The following PRPF40B variants were observed in gnomAD, a reference collection of about 807,000 sequenced individuals.
The protein encoded by PRPF40B is pre-mRNA processing factor 40B.
Under a neutral mutation model 124.5 loss-of-function variants are expected in PRPF40B, and 56 were observed. The observed-to-expected ratio is 0.45, with a 90% CI of 0.36 to 0.56. PRPF40B has a LOEUF of 0.56. Among genes scored for constraint, PRPF40B ranks in the 20% least tolerant of loss-of-function variants. The pLI, the probability that PRPF40B is intolerant of heterozygous loss-of-function variation, is 0.00. For missense variants in PRPF40B, 1,053 were observed against 1,169.5 expected (o/e 0.90, Z 1.45); for synonymous variants, 443 against 426.4 (o/e 1.04, Z -0.48).
At chr12:49,639,176 T>C (rs1942262663) in intron 18 of PRPF40B, 1 of 152,186 alleles carries the variant, frequency 6.6e-6, no homozygotes, top group Non-Finnish European at 1.5e-5. Context: ...TTAGATGGTG[T>C]ATAGTAGAAC....
rs913049519 is a variant in PRPF40B, at chr12:49,644,621, G to A, written c.*429G>A. 8 of 191,430 alleles carry A rather than the reference G, an allele frequency of 4.2e-5. 1 individual carries two copies. The highest frequency in any genetic ancestry group is 2.7e-4 in the Admixed American group (5 of 18,812). 11.9% of individuals were successfully genotyped at this position (191,430 alleles called of 1,614,324 possible). ...TTCCTCCACCCAGGACCTAATGTAC[G>A]TGTGTTTTGTTTTTTGTTTTTTAAA... is the stretch of plus-strand genomic sequence containing the variant. On this transcript the variant is annotated 3_prime_UTR_variant, in exon 26 of 26. Coordinates refer to ENST00000548825, the MANE Select transcript of PRPF40B (RefSeq NM_001031698.3).
chr12:49,635,599 T>C lies in PRPF40B; in HGVS notation c.1275+126T>C. Reference sequence around the variant, plus strand: ...GTGTCCCAGCTTCTGACTTGGAAGCTGGTATGGGACTTGCACATCTCATTT... The same window carrying C: ...GTGTCCCAGCTTCTGACTTGGAAGCCGGTATGGGACTTGCACATCTCATTT... On this transcript the variant is annotated intron_variant, in intron 14 of 25. Transcript: ENST00000548825. This position sits in a 1 kb window ranked among gnomAD's most constrained non-coding sequence, Gnocchi z 4.1. The C allele has an allele frequency of 9.9e-7, 1 of 1,008,766 alleles. No individual in the cohort carries two copies. Among genetic ancestry groups the C allele is most frequent in the Non-Finnish European group, 1.4e-6 (1 of 689,926 alleles). 62.5% of individuals were successfully genotyped at this position (1,008,766 alleles called of 1,614,324 possible). A position where few individuals can be genotyped will look rare whatever the true frequency, so the allele number is the denominator to read the frequency against.
chr12:49,626,755 C>T (rs1940753819), intron 1 of PRPF40B, among the ~76,000 whole-genome samples: 1 of 152,058 alleles, frequency 6.6e-6, no homozygotes, highest in South Asian at 2.1e-4. Context: ...GTGATTTAAC[C>T]ACTTAGGTTG....
upstream of PRPF40B, among the ~76,000 whole-genome samples, chr12:49,623,053 CTT>C (rs76184248): frequency 1.8e-4 from 25 of 139,946 alleles, no homozygotes; most frequent in Non-Finnish European, 2.7e-4. Flanking sequence ...GGGGATTTGT[CTT>C]TTTTTTTTTT....
chr12:49,644,311 C>A lies in PRPF40B; in HGVS notation c.*119C>A. 2 of 1,125,502 alleles carry A rather than the reference C, an allele frequency of 1.8e-6. No homozygotes were observed. The highest frequency in any genetic ancestry group is 1.4e-5 in the South Asian group (1 of 72,438). 69.7% of individuals were successfully genotyped at this position (1,125,502 alleles called of 1,614,324 possible). On this transcript the variant is annotated 3_prime_UTR_variant, in exon 26 of 26. Transcript: ENST00000548825. ...TGTGTCCACTTTTTCTAAAGTAACC[C>A]CACCCCCAGCACACCATTGTTGGCA...
rs772026255 is a variant in PRPF40B at position 49,634,582 on chromosome 12, G to C, written c.981G>C (p.Val327=). Residue 327 remains valine, a synonymous_variant, in exon 12 of 26, where the codon GTG becomes GTC. Coordinates refer to ENST00000548825, the MANE Select transcript of PRPF40B (RefSeq NM_001031698.3). The part of the protein sequence containing the change: ...NASWEQAMKM[V]VTDPRYSALP... ...CATGGGAACAGGCCATGAAGATGGT[G>C]GTCACCGACCCCCGTTACAGGTAGG... The C allele has an allele frequency of 6.2e-7, 1 of 1,614,036 alleles. No homozygotes were observed. The highest frequency in any genetic ancestry group is 1.3e-5 in the African/African-American group (1 of 74,920).
At chr12:49,626,300 T>C (rs1171459883) in intron 1 of PRPF40B, among the ~76,000 whole-genome samples, 1 of 152,144 alleles carries the variant, frequency 6.6e-6, no homozygotes, top group Admixed American at 6.5e-5. Flanking sequence ...GACTAAACAC[T>C]TGGGGGAGGT....
Position 49,644,013 on chromosome 12 carries a change from C to T in PRPF40B, c.2586+9C>T. ...GAATCAAGAAGGAGAAGGTGAGGGGCAGGGGCCCTAGGCCAGTCAGCACGC... is the reference window on the plus strand; with the variant it reads ...GAATCAAGAAGGAGAAGGTGAGGGGTAGGGGCCCTAGGCCAGTCAGCACGC... On this transcript the variant is annotated intron_variant, in intron 25 of 25. Transcript: ENST00000548825. 3 of 1,614,124 alleles carry T rather than the reference C, an allele frequency of 1.9e-6. No individual in the cohort carries two copies. Among genetic ancestry groups the T allele is most frequent in the Non-Finnish European group, 2.5e-6 (3 of 1,179,996 alleles).
chr12:49,624,184 T>G (rs1940484839), intron 1 of PRPF40B: 14 of 983,714 alleles, frequency 1.4e-5, no homozygotes, highest in Non-Finnish European at 1.7e-5. Context: ...AGTCACTACC[T>G]TTCTTTGGGC....
chr12:49,634,717 T>C (rs1941581172), intron 12 of PRPF40B, 115 bp downstream of exon 12: 2 of 1,344,406 alleles, frequency 1.5e-6, no homozygotes. Flanking sequence ...AGGACAGTGA[T>C]AGATTGGGTT....
chr12:49,623,925 A>C, intron 1 of PRPF40B: 2 of 1,121,086 alleles, frequency 1.8e-6, no homozygotes, highest in Non-Finnish European at 2.2e-6. Flanking sequence ...GAGGGGACTG[A>C]GGGGACCAGG....
intron 18 of PRPF40B, 76 bp from the exon 19 acceptor site, chr12:49,641,832 T>TAA: frequency 8.0e-7 from 1 of 1,243,032 alleles, no homozygotes. Context: ...TGACCATCTG[T>TAA]AATGTGACCA....
chr12:49,634,119 C>G, intron 10 of PRPF40B, 27 bp downstream of exon 10: 1 of 1,604,078 alleles, frequency 6.2e-7, no homozygotes, highest in Non-Finnish European at 8.5e-7. Flanking sequence ...ATGGCATTCC[C>G]AATGTTGGCC....
intron 18 of PRPF40B, 185 bp from the exon 19 acceptor site, chr12:49,641,722 AG>A (rs1274122909): frequency 2.4e-5 from 14 of 587,096 alleles, no homozygotes; most frequent in Non-Finnish European, 4.2e-5. Context: ...AACCAAGGGT[AG>A]GCATGGGGGC....
intron 16 of PRPF40B, 33 bp downstream of exon 16, chr12:49,636,882 A>G (rs1256323629): frequency 1.9e-6 from 3 of 1,612,390 alleles, no homozygotes; most frequent in Non-Finnish European, 2.5e-6. Context: ...ATCAGAGCTC[A>G]GCTCTGCCCT....
Position 49,631,318 on chromosome 12 carries a change from T to C in PRPF40B, c.85-83T>C, listed in dbSNP as rs1338321323. ...GGTGGAGGGTTGGGGAGGGAGGTGG[T>C]GGATATTTCCTGACAGGTCCTCTCT... On this transcript the variant is annotated intron_variant, in intron 2 of 25. Coordinates refer to ENST00000548825, the MANE Select transcript of PRPF40B (RefSeq NM_001031698.3). This position sits in a 1 kb window ranked among gnomAD's most constrained non-coding sequence, Gnocchi z 4.3. 5 of 1,006,772 alleles carry C rather than the reference T, an allele frequency of 5.0e-6. No individual in the cohort carries two copies. The highest frequency in any genetic ancestry group is 7.1e-6 in the Non-Finnish European group (5 of 700,542). 62.4% of individuals were successfully genotyped at this position (1,006,772 alleles called of 1,614,324 possible).
chr12:49,637,481 C>A lies in PRPF40B; in HGVS notation c.1572C>A (p.Asp524Glu), dbSNP rs752835790. ...CTCTCCCTGCTCAGACCTTCCTGGA[C>A]GAGCTGCATGAGACAGGGCAGCTGC... ...KNREAFQTFL[D>E]ELHETGQLHS... Residue 524 changes from aspartate (D) to glutamate (E), a missense_variant, in exon 17 of 26, where the codon GAC becomes GAA. Asp to Glu is a conservative substitution (Grantham distance 45). Transcript: ENST00000548825. 1 of 1,613,016 alleles carries A rather than the reference C, an allele frequency of 6.2e-7. No homozygotes were observed. The highest frequency in any genetic ancestry group is 8.5e-7 in the Non-Finnish European group (1 of 1,179,768).
intron 17 of PRPF40B, 35 bp from the exon 18 acceptor site, chr12:49,637,698 C>CTG: frequency 1.4e-6 from 2 of 1,465,330 alleles, no homozygotes; most frequent in Non-Finnish European, 1.9e-6. Context: ...TGGGAAGCTG[C>CTG]CGCCCGCCAG....
rs1942909177 is a variant in PRPF40B, at chr12:49,643,246, G to A, written c.2229G>A (p.Glu743=). ...SPSGSESEEE[E]LPPPSLRPPK... The stretch of plus-strand genomic sequence containing the variant: ...AGGGCTCTGAGTCAGAAGAAGAGGA[G>A]CTGCCCCCACCATCTCTCCGGCCCC... Residue 743 remains glutamate, a synonymous_variant, in exon 23 of 26, where the codon GAG becomes GAA. Coordinates refer to ENST00000548825, the MANE Select transcript of PRPF40B (RefSeq NM_001031698.3). 6.2e-7 allele frequency: 1 copy of A among 1,614,134 alleles called. No individual in the cohort carries two copies. Among genetic ancestry groups the A allele is most frequent in the Non-Finnish European group, 8.5e-7 (1 of 1,180,038 alleles).
Sources: allele counts gnomAD v4.1 joint callset (sites outside exome capture counted in the v4.1 genomes callset), GRCh38; gene constraint gnomAD v4.1.1; non-coding constraint Gnocchi (gnomAD v3.1); transcripts MANE v1.5; gene names NCBI Gene and HGNC (gene_info 2026-07-23, HGNC 2026-07-21).